The following TDRD3 variants were observed in gnomAD, a reference collection of about 807,000 sequenced individuals.
TDRD3 encodes tudor domain containing 3.
TDRD3 carries 45 observed loss-of-function variants against 86.7 expected under a neutral mutation model. The ratio of observed to expected loss-of-function variants is 0.52; its 90% CI spans 0.41 to 0.67. TDRD3 has a LOEUF of 0.67. Ranked by LOEUF, TDRD3 falls within the 30% of genes least tolerant of loss-of-function variation. TDRD3 has a pLI of 0.00. For synonymous variants in TDRD3, 298 were observed against 301.7 expected (o/e 0.99, Z 0.13); for missense variants, 814 against 889.0 (o/e 0.92, Z 1.07).
At position 60,429,638 on chromosome 13, in the gene TDRD3, A is replaced by C. The variant is rs375133444; in HGVS notation, c.42-10050A>C. Among the ~76,000 whole-genome samples the C allele has an allele frequency of 6.6e-5, 10 of 152,330 alleles. No individual in the cohort carries two copies. The East Asian group carries it at 1.4e-3, about 21-fold the overall frequency. ...AATTGTAAAACTGAATGATTTAAAC[A>C]AAATAAATAATAAAGGTATTTCCTT... On this transcript the variant is annotated intron_variant, in intron 1 of 13. Transcript: ENST00000377881.
intron 12 of TDRD3, among the ~76,000 whole-genome samples, chr13:60,544,892 T>A (rs1451466356): frequency 6.6e-6 from 1 of 152,156 alleles, no homozygotes; most frequent in African/African-American, 2.4e-5. Context: ...TATCAGAATT[T>A]TAAGTTAGTA....
intron 1 of TDRD3, among the ~76,000 whole-genome samples, chr13:60,411,217 A>G (rs1954357180): frequency 6.6e-6 from 1 of 152,236 alleles, no homozygotes; most frequent in Non-Finnish European, 1.5e-5. Flanking sequence ...AATTAGATGT[A>G]GTTTCTTAAC....
intron 12 of TDRD3, among the ~76,000 whole-genome samples, chr13:60,541,426 G>A (rs560173313): frequency 5.7e-4 from 87 of 151,934 alleles, no homozygotes; most frequent in South Asian, 2.3e-3. Flanking sequence ...TTTGGCCTCC[G>A]AAAGTGCTGG....
In TDRD3 at chr13:60,548,152, A is replaced by G. The variant is rs374868525; in HGVS notation, c.2118+12919A>G. 7.2e-5 allele frequency among the ~76,000 whole-genome samples: 11 copies of G among 152,196 alleles called. No homozygotes were observed. In the East Asian group the frequency reaches 2.1e-3, roughly 29 times the overall value. On this transcript the variant is annotated intron_variant, in intron 12 of 13. Coordinates refer to ENST00000377881, the MANE Select transcript of TDRD3 (RefSeq NM_001146070.2). ...ACCTGAGGAGTATAGTAGAGGGAAGACATAAGAATTTGGTGGCTATTTGTT... is the reference window on the plus strand; with the variant it reads ...ACCTGAGGAGTATAGTAGAGGGAAGGCATAAGAATTTGGTGGCTATTTGTT...
chr13:60,421,443 G>A (rs1412728849), intron 1 of TDRD3, among the ~76,000 whole-genome samples: 1 of 152,192 alleles, frequency 6.6e-6, no homozygotes, highest in Admixed American at 6.5e-5. Flanking sequence ...GACACATGGG[G>A]ATTATGGGAG....
At chr13:60,424,162 C>T (rs1352881861) in intron 1 of TDRD3, among the ~76,000 whole-genome samples, 1 of 151,830 alleles carries the variant, frequency 6.6e-6, no homozygotes, top group Non-Finnish European at 1.5e-5. Context: ...GCTGGGACTA[C>T]AGGCGCCCGC....
intron 10 of TDRD3, among the ~76,000 whole-genome samples, chr13:60,519,560 A>T (rs1183132745): frequency 6.6e-6 from 1 of 152,158 alleles, no homozygotes; most frequent in East Asian, 1.9e-4. Context: ...CCCTGGCAGA[A>T]AAATATTTTT....
rs183494910 is a variant in TDRD3, at chr13:60,409,659, G to T, written c.41+12254G>T. Among the ~76,000 whole-genome samples the T allele has an allele frequency of 1.2e-3, 187 of 152,256 alleles. 1 individual carries two copies. Among genetic ancestry groups the T allele is most frequent in the African/African-American group, 4.5e-3 (186 of 41,534 alleles). Reference sequence around the variant, plus strand: ...TGGCCAACCTCACCCATTTGGAACAGCTGTATTTACCCAATACCTGTACCC... The same window carrying T: ...TGGCCAACCTCACCCATTTGGAACATCTGTATTTACCCAATACCTGTACCC... On this transcript the variant is annotated intron_variant, in intron 1 of 13. Coordinates refer to ENST00000377881, the MANE Select transcript of TDRD3 (RefSeq NM_001146070.2).
intron 8 of TDRD3, 120 bp downstream of exon 8, chr13:60,494,695 G>A: frequency 2.4e-6 from 2 of 824,928 alleles, no homozygotes; most frequent in Admixed American, 6.7e-5. Context: ...TATAACTCTT[G>A]AAGGCTTTCA....
intron 1 of TDRD3, among the ~76,000 whole-genome samples, chr13:60,426,945 G>C (rs1260419960): frequency 6.6e-6 from 1 of 152,164 alleles, no homozygotes; most frequent in Non-Finnish European, 1.5e-5. Flanking sequence ...AACCTGTACA[G>C]CATGTTATCG....
At chr13:60,447,307 G>A (rs1463029145) in intron 3 of TDRD3, among the ~76,000 whole-genome samples, 2 of 152,114 alleles carry the variant, frequency 1.3e-5, no homozygotes, top group African/African-American at 4.8e-5. Flanking sequence ...TCCAGACATA[G>A]GGTCATTGCC....
chr13:60,472,060 C>T (rs944728339), intron 5 of TDRD3, among the ~76,000 whole-genome samples: 4 of 151,858 alleles, frequency 2.6e-5, no homozygotes, highest in Admixed American at 6.6e-5. Flanking sequence ...TTTAGTTTGT[C>T]GTATATTTTT....
intron 5 of TDRD3, among the ~76,000 whole-genome samples, chr13:60,474,450 C>T (rs112976393): frequency 6.6e-6 from 1 of 152,158 alleles, no homozygotes; most frequent in Non-Finnish European, 1.5e-5. Context: ...TCTCCACACA[C>T]GAGGAGAAAA....
At chr13:60,432,888 T>G (rs908537340) in intron 1 of TDRD3, among the ~76,000 whole-genome samples, 3 of 152,274 alleles carry the variant, frequency 2.0e-5, no homozygotes, top group African/African-American at 7.2e-5. Flanking sequence ...GGATATCATG[T>G]GCGGGGGCTA....
chr13:60,419,431 C>CATGGAATACT (rs1489082747), intron 1 of TDRD3, among the ~76,000 whole-genome samples: 1 of 152,086 alleles, frequency 6.6e-6, no homozygotes, highest in African/African-American at 2.4e-5. Context: ...ACATATACAC[C>CATGGAATACT]ATGGAATACT....
intron 1 of TDRD3, among the ~76,000 whole-genome samples, chr13:60,404,862 G>A (rs1013976003): frequency 8.5e-5 from 13 of 152,218 alleles, no homozygotes; most frequent in African/African-American, 3.1e-4. Context: ...TTGTGGGAAG[G>A]ACCTGGTGGG....
intron 5 of TDRD3, among the ~76,000 whole-genome samples, chr13:60,473,779 A>G (rs1032452352): frequency 2.0e-5 from 3 of 152,166 alleles, no homozygotes; most frequent in African/African-American, 4.8e-5. Context: ...TCCCTGGTCT[A>G]GCGGACAAGG....
intron 2 of TDRD3, among the ~76,000 whole-genome samples, chr13:60,441,540 A>G (rs928196090): frequency 4.6e-5 from 7 of 152,084 alleles, no homozygotes; most frequent in Admixed American, 1.3e-4. Flanking sequence ...CAAATCATCT[A>G]TTTTTCCAAA....
rs143300540 is a variant in TDRD3, at chr13:60,466,677, A to G, written c.354-561A>G. Among the ~76,000 whole-genome samples the G allele has an allele frequency of 6.6e-4, 100 of 152,172 alleles. 1 individual carries two copies. The highest frequency in any genetic ancestry group is 2.3e-3 in the African/African-American group (95 of 41,512). On this transcript the variant is annotated intron_variant, in intron 4 of 13. Coordinates refer to ENST00000377881, the MANE Select transcript of TDRD3 (RefSeq NM_001146070.2). Reference sequence around the variant, plus strand: ...GGGGCGCATGCCTGTAATCCCAGCTACTCGAAAGGCTGAGACAGGAGAATC... The same window carrying G: ...GGGGCGCATGCCTGTAATCCCAGCTGCTCGAAAGGCTGAGACAGGAGAATC...
Sources: gnomAD v4.1 joint callset for allele counts (sites outside exome capture counted in the v4.1 genomes callset) on GRCh38, gnomAD v4.1.1 for gene constraint, MANE v1.5 for transcripts, NCBI Gene and HGNC (gene_info 2026-07-23, HGNC 2026-07-21) for gene names.